PATL2: variants seen among roughly 807,000 people sequenced by gnomAD.
The protein encoded by PATL2 is protein PAT1 homolog 2.
Under a neutral mutation model 77.0 loss-of-function variants are expected in PATL2, and 73 were observed. That is an observed-to-expected ratio of 0.95 (90% confidence interval 0.78 to 1.15). PATL2 has a LOEUF of 1.15. PATL2 is among the 50% of genes most tolerant of loss of function. The probability of loss-of-function intolerance (pLI) is 0.00; values close to 1 mark genes in which losing one functional copy is unlikely to be tolerated. For synonymous variants in PATL2, 265 were observed against 257.1 expected (o/e 1.03, Z -0.29); for missense variants, 618 against 655.4 (o/e 0.94, Z 0.62).
intron 4 of PATL2, chr15:44,676,146 G>C: frequency 2.5e-6 from 1 of 401,978 alleles, no homozygotes; most frequent in Non-Finnish European, 4.6e-6. Context: ...CCCACCCAAC[G>C]CCCTTTCTAT....
chr15:44,691,069 G>A (rs191393793), intron 3 of PATL2, among the ~76,000 whole-genome samples: 43 of 151,410 alleles, frequency 2.8e-4, no homozygotes, highest in African/African-American at 9.9e-4. Flanking sequence ...TATGAGCTTT[G>A]GGGAATATAG....
chr15:44,699,939 T>C (rs1000214871), intron 3 of PATL2, among the ~76,000 whole-genome samples: 9 of 150,548 alleles, frequency 6.0e-5, no homozygotes, highest in Non-Finnish European at 1.3e-4. Context: ...AATGTGATTC[T>C]TCAGTTTTGT....
At chr15:44,676,929 G>A (rs1006979659) in intron 3 of PATL2, 2 of 1,011,030 alleles carry the variant, frequency 2.0e-6, no homozygotes, top group East Asian at 1.0e-4. Flanking sequence ...GGACCTGTTT[G>A]CCGCTCCTGG....
intron 3 of PATL2, chr15:44,676,887 T>C (rs1039476845): frequency 9.4e-7 from 1 of 1,068,948 alleles, no homozygotes; most frequent in Admixed American, 4.9e-5. Context: ...TGCTGTCCTT[T>C]CTGTTTAAGT....
chr15:44,695,711 AAC>A (rs1348578308), intron 3 of PATL2, among the ~76,000 whole-genome samples: 9 of 152,082 alleles, frequency 5.9e-5, no homozygotes, highest in Admixed American at 2.6e-4. Context: ...TCAAAACAAA[AAC>A]AGTCACAAGC....
intron 3 of PATL2, among the ~76,000 whole-genome samples, chr15:44,686,321 CA>C (rs2086256438): frequency 6.6e-6 from 1 of 152,074 alleles, no homozygotes; most frequent in Non-Finnish European, 1.5e-5. Flanking sequence ...GGGTAAATAA[CA>C]ATATTAAGGC....
intron 3 of PATL2, among the ~76,000 whole-genome samples, chr15:44,683,507 C>T (rs560562642): frequency 3.9e-5 from 6 of 152,166 alleles, no homozygotes; most frequent in South Asian, 2.1e-4. Context: ...ACTGCAGCTC[C>T]GCAAAGCTGC....
chr15:44,673,245 G>A lies in PATL2; in HGVS notation c.436C>T (p.Pro146Ser), dbSNP rs2085778676. Residue 146 changes from proline (P) to serine (S), a missense_variant, in exon 7 of 18, where the codon CCT (proline) becomes TCT (serine). Pro to Ser is a moderately conservative substitution (Grantham distance 74). Transcript: ENST00000682850. ...ACCTCAAACCAGTACCTGAACCTAG[G>A]GGGCCACGAGGTCAGCAGGCTGCAG... ...LFCSLLTSWP[P>S]RFSHLTQLHP... The A allele has an allele frequency of 2.6e-6, 4 of 1,551,442 alleles. No individual in the cohort carries two copies. The highest frequency in any genetic ancestry group is 4.9e-5 in the East Asian group (2 of 40,914).
At chr15:44,669,602 A>G (rs1264577496) in intron 11 of PATL2, 39 bp from the exon 12 acceptor site, 1 of 1,546,018 alleles carries the variant, frequency 6.5e-7, no homozygotes, top group Non-Finnish European at 8.7e-7. Context: ...CTACACTGCC[A>G]CTGCCACAGC....
At chr15:44,670,798 G>T (rs2085635266) in intron 9 of PATL2, among the ~76,000 whole-genome samples, 2 of 152,150 alleles carry the variant, frequency 1.3e-5, no homozygotes, top group South Asian at 4.1e-4. Flanking sequence ...ATTTAATCTT[G>T]TGATCTCACC....
chr15:44,690,738 AAG>A (rs2086372261), intron 3 of PATL2, among the ~76,000 whole-genome samples: 1 of 152,162 alleles, frequency 6.6e-6, no homozygotes, highest in African/African-American at 2.4e-5. Context: ...AGTTCAGAAA[AAG>A]AGATATTTAT....
At position 44,667,096 on chromosome 15, in the gene PATL2, A is replaced by G; in HGVS notation, c.1463+10T>C. ...ACTAGATAGTATTTACAAGGCCTTT[A>G]TGATCTTACCAAGCTGTATGGTCAC... is the stretch of plus-strand genomic sequence containing the variant. On this transcript the variant is annotated intron_variant, in intron 16 of 17. Coordinates refer to ENST00000682850, the MANE Select transcript of PATL2 (RefSeq NM_001387263.1). 1.3e-6 allele frequency: 2 copies of G among 1,544,848 alleles called. No homozygotes were observed. Among genetic ancestry groups the G allele is most frequent in the South Asian group, 1.2e-5 (1 of 83,900 alleles).
At chr15:44,674,050 T>A in intron 6 of PATL2, 100 bp downstream of exon 6, 1 of 1,134,258 alleles carries the variant, frequency 8.8e-7, no homozygotes, top group Non-Finnish European at 1.3e-6. Context: ...CACCCATACC[T>A]CACTTTGGGT....
intron 3 of PATL2, among the ~76,000 whole-genome samples, chr15:44,709,615 T>C (rs1180920713): frequency 3.3e-5 from 5 of 152,228 alleles, no homozygotes; most frequent in African/African-American, 1.2e-4. Context: ...TTTAAACAAA[T>C]AGTTGTATAC....
rs1229129404 is a variant in PATL2 at position 44,693,697 on chromosome 15, G to GTT, written c.-76+16397_-76+16398dup. Among the ~76,000 whole-genome samples, 561 of 143,966 alleles carry GTT rather than the reference G, an allele frequency of 3.9e-3. 6 individuals are homozygous for GTT. The highest frequency in any genetic ancestry group is 0.014 in the African/African-American group (533 of 39,444). The allele number at this position is 143,966 out of a possible 152,430, so 94.4% of individuals were successfully genotyped here. A position where few individuals can be genotyped will look rare whatever the true frequency, so the allele number is the denominator to read the frequency against. ...AGTCCAAAAAATGTTTTCTTTTTCT[G>GTT]TTTTTTTTTTTTTGAGACAGAGTCT... On this transcript the variant is annotated intron_variant, in intron 3 of 17. Coordinates refer to ENST00000682850, the MANE Select transcript of PATL2 (RefSeq NM_001387263.1).
chr15:44,666,309 G>A, intron 17 of PATL2, 83 bp downstream of exon 17: 3 of 1,481,066 alleles, frequency 2.0e-6, no homozygotes, highest in Non-Finnish European at 2.8e-6. Context: ...TCATAATTTA[G>A]AAGAAGGAAG....
intron 3 of PATL2, among the ~76,000 whole-genome samples, chr15:44,677,750 T>G (rs1436869858): frequency 1.3e-5 from 2 of 152,148 alleles, no homozygotes. Flanking sequence ...CTTGGTGCCT[T>G]TAAAGGAAAA....
At chr15:44,673,134 A>G in intron 7 of PATL2, 101 bp downstream of exon 7, 1 of 1,377,796 alleles carries the variant, frequency 7.3e-7, no homozygotes, top group Middle Eastern at 2.6e-4. Context: ...GACTTCTCTT[A>G]CTAGTTTTCT....
At chr15:44,697,629 C>G (rs1403435518) in intron 3 of PATL2, among the ~76,000 whole-genome samples, 2 of 152,150 alleles carry the variant, frequency 1.3e-5, no homozygotes, top group South Asian at 4.1e-4. Flanking sequence ...CTACATCCCC[C>G]TCACCTTCTC....
Sources: allele counts gnomAD v4.1 joint callset (sites outside exome capture counted in the v4.1 genomes callset), GRCh38; gene constraint gnomAD v4.1.1; transcripts MANE v1.5; gene names NCBI Gene and HGNC (gene_info 2026-07-23, HGNC 2026-07-21).